Variants in ADAMTS12 observed in about 807,000 individuals in gnomAD.
The protein encoded by ADAMTS12 is A disintegrin and metalloproteinase with thrombospondin motifs 12.
ADAMTS12 carries 118 observed loss-of-function variants against 167.8 expected under a neutral mutation model. The ratio of observed to expected loss-of-function variants is 0.70; its 90% CI spans 0.61 to 0.82. The LOEUF (loss-of-function observed/expected upper bound fraction) is 0.82. Ranked by LOEUF, ADAMTS12 falls within the 40% of genes least tolerant of loss-of-function variation. The pLI is 0.00. For synonymous variants in ADAMTS12, 704 were observed against 716.9 expected, an observed-to-expected ratio of 0.98 and a Z score of 0.29; for missense variants, 1,916 against 1,998.8, an observed-to-expected ratio of 0.96 and a Z score of 0.79.
chr5:33,740,031 G>A (rs1354814010), intron 3 of ADAMTS12, among the ~76,000 whole-genome samples: 1 of 152,158 alleles, frequency 6.6e-6, no homozygotes, highest in South Asian at 2.1e-4. Flanking sequence ...CATAACTCAC[G>A]AAAGTTAAGA....
At chr5:33,542,972 AC>A (rs1417017077) in intron 22 of ADAMTS12, among the ~76,000 whole-genome samples, 2 of 152,244 alleles carry the variant, frequency 1.3e-5, no homozygotes, top group Non-Finnish European at 2.9e-5. Flanking sequence ...GCGAGAGGAA[AC>A]AAATTCAAAA....
intron 2 of ADAMTS12, among the ~76,000 whole-genome samples, chr5:33,808,758 C>T (rs954267360): frequency 1.2e-4 from 18 of 152,162 alleles, no homozygotes; most frequent in South Asian, 1.0e-3. Context: ...AACCACTGAT[C>T]TAGATAAACT....
At chr5:33,788,886 ACTGAGTTTCCTCCACATCTTCTGGCTG>A (rs1418771251) in intron 2 of ADAMTS12, among the ~76,000 whole-genome samples, 9 of 152,142 alleles carry the variant, frequency 5.9e-5, no homozygotes, top group Non-Finnish European at 1.2e-4. Flanking sequence ...AGATGCAGAA[ACTGAGTTTCCTCCACATCTTCTGGCTG>A]TTCCCACAGC....
chr5:33,676,816 A>G (rs1561209025), intron 5 of ADAMTS12, among the ~76,000 whole-genome samples: 1 of 152,174 alleles, frequency 6.6e-6, no homozygotes, highest in Non-Finnish European at 1.5e-5. Flanking sequence ...GGGGAGGGGT[A>G]AACCACCAGC....
chr5:33,609,913 C>T (rs1257965391), intron 16 of ADAMTS12, among the ~76,000 whole-genome samples: 4 of 152,176 alleles, frequency 2.6e-5, no homozygotes, highest in Non-Finnish European at 5.9e-5. Context: ...GGCATGGTGG[C>T]TCATGCCTGT....
chr5:33,669,283 T>A (rs1160759715), intron 5 of ADAMTS12, among the ~76,000 whole-genome samples: 1 of 152,208 alleles, frequency 6.6e-6, no homozygotes, highest in African/African-American at 2.4e-5. Flanking sequence ...CACAGTCTTT[T>A]CTTTTGTTCG....
In ADAMTS12 at chr5:33,724,755, G is replaced by A. The variant is rs562927441; in HGVS notation, c.634+26649C>T. On this transcript the variant is annotated intron_variant, in intron 3 of 23. Transcript: ENST00000504830. ...TTTAGTAGAGACGGGGTTTCACCGT[G>A]TTAGCCAAGAAGGTATCGATCTCCT... Among the ~76,000 whole-genome samples the A allele has an allele frequency of 7.6e-4, 116 of 152,022 alleles. 1 individual carries two copies. The South Asian group carries it at 8.6e-3, about 11-fold the overall frequency.
rs61748197 is a variant in ADAMTS12 at position 33,614,362 on chromosome 5, C to A, written c.2403G>T (p.Val801=). 0.014 allele frequency: 21,874 copies of A among 1,613,874 alleles called. 257 individuals are homozygous for A. The highest frequency in any genetic ancestry group is 0.064 in the African/African-American group (4,834 of 74,994). The part of the protein sequence containing the change: ...ESVWIQLLFQ[V]TNPGIKYEYT... ...ACTCATACTTGATGCCAGGGTTAGT[C>A]ACCTGGAATAGAAGCTAAAAGGCAA... The change falls in exon 16 of 24, where the codon GTG becomes GTT. Residue 801 remains valine (V), a synonymous_variant. Transcript: ENST00000504830.
chr5:33,540,463 C>T (rs1424302408), intron 22 of ADAMTS12, among the ~76,000 whole-genome samples: 1 of 152,202 alleles, frequency 6.6e-6, no homozygotes, highest in Non-Finnish European at 1.5e-5. Flanking sequence ...AGTGGTTCTC[C>T]CAGCATGGTG....
At chr5:33,794,706 G>GTGAA (rs1746709145) in intron 2 of ADAMTS12, among the ~76,000 whole-genome samples, 1 of 152,206 alleles carries the variant, frequency 6.6e-6, no homozygotes, top group South Asian at 2.1e-4. Context: ...CTGTTAAGAT[G>GTGAA]TGAATGTATC....
intron 4 of ADAMTS12, among the ~76,000 whole-genome samples, chr5:33,683,458 A>T (rs1021901336): frequency 6.6e-6 from 1 of 152,222 alleles, no homozygotes; most frequent in Non-Finnish European, 1.5e-5. Context: ...ATGCAAAGAG[A>T]AAGCTTGAAA....
intron 17 of ADAMTS12, among the ~76,000 whole-genome samples, chr5:33,592,353 A>G (rs1178749399): frequency 3.3e-5 from 5 of 152,236 alleles, no homozygotes; most frequent in African/African-American, 1.2e-4. Flanking sequence ...GTCATATGTC[A>G]TTATTTTGTG....
chr5:33,831,113 C>T (rs2111555127), intron 2 of ADAMTS12, among the ~76,000 whole-genome samples: 1 of 152,094 alleles, frequency 6.6e-6, no homozygotes, highest in Admixed American at 6.5e-5. Flanking sequence ...ATGGTTAAAA[C>T]AATTGAAATA....
rs372978959 is a variant in ADAMTS12, at chr5:33,546,048, C to G, written c.4446+11G>C. The G allele has an allele frequency of 6.3e-7, 1 of 1,597,574 alleles. No individual in the cohort carries two copies. The highest frequency in any genetic ancestry group is 8.5e-7 in the Non-Finnish European group (1 of 1,174,890). On this transcript the variant is annotated intron_variant, in intron 22 of 23. Transcript: ENST00000504830. ...GCTAAAGTAAAAAAAGTATGTATAACCAAGTCTTACCAGGTCCCAGTTCCC... is the reference window on the plus strand; with the variant it reads ...GCTAAAGTAAAAAAAGTATGTATAAGCAAGTCTTACCAGGTCCCAGTTCCC...
Position 33,576,782 on chromosome 5 carries a change from T to A in ADAMTS12, c.3244A>T (p.Ile1082Phe). The change falls in exon 19 of 24, where the codon ATT becomes TTT. Residue 1082 changes from isoleucine to phenylalanine, a missense_variant. Ile to Phe is a conservative substitution (Grantham distance 21, BLOSUM62 0). Coordinates refer to ENST00000504830, the MANE Select transcript of ADAMTS12 (RefSeq NM_030955.4). ...GGCTGGGAAGTGCTTCCAGTGGAAA[T>A]GAGATAGCGAGAGCTCAGCTCAGGT... is the stretch of plus-strand genomic sequence containing the variant. ...TQPELSSRYL[I>F]STGSTSQPIL... 1.9e-6 allele frequency: 3 copies of A among 1,613,478 alleles called. No individual in the cohort carries two copies. The East Asian group carries it at 6.7e-5, about 36-fold the overall frequency.
Position 33,648,837 on chromosome 5 carries a change from G to C in ADAMTS12, c.1464C>G (p.Phe488Leu). 1 of 1,614,060 alleles carries C rather than the reference G, an allele frequency of 6.2e-7. No individual in the cohort carries two copies. The highest frequency in any genetic ancestry group is 2.2e-5 in the East Asian group (1 of 44,872). The change falls in exon 9 of 24, where the codon TTC becomes TTG. Residue 488 changes from phenylalanine to leucine, a missense_variant. Transcript: ENST00000504830. ...CQLQYGPNATFCQEVENVCQT... is the reference protein window; with the variant it reads ...CQLQYGPNATLCQEVENVCQT... ...GTACACTTACTTCTACTTCCTGGCA[G>C]AAGGTAGCATTGGGTCCATATTGTA...
intron 12 of ADAMTS12, among the ~76,000 whole-genome samples, chr5:33,632,633 T>C (rs1740001346): frequency 6.6e-6 from 1 of 152,158 alleles, no homozygotes; most frequent in Non-Finnish European, 1.5e-5. Flanking sequence ...TTAGCTCTGT[T>C]ACTGCGCAAA....
At chr5:33,594,725 T>A (rs1747828299) in intron 17 of ADAMTS12, among the ~76,000 whole-genome samples, 1 of 152,138 alleles carries the variant, frequency 6.6e-6, no homozygotes. Flanking sequence ...GGGGTCCAGC[T>A]CCTACCTAGA....
chr5:33,530,104 T>A (rs1178552582), intron 23 of ADAMTS12, among the ~76,000 whole-genome samples: 1 of 151,294 alleles, frequency 6.6e-6, no homozygotes, highest in African/African-American at 2.4e-5. Context: ...TTTTGTATAT[T>A]TAGTAGAGAC....
Sources: allele counts gnomAD v4.1 joint callset (sites outside exome capture counted in the v4.1 genomes callset), GRCh38; gene constraint gnomAD v4.1.1; transcripts MANE v1.5; gene names NCBI Gene and HGNC (gene_info 2026-07-23, HGNC 2026-07-21).